Variants in GPC5 observed in about 807,000 individuals in gnomAD.
The protein encoded by GPC5 is glypican-5.
A neutral mutation model predicts 53.9 loss-of-function variants in GPC5; 47 were observed. That is an observed-to-expected ratio of 0.87 (90% CI 0.69 to 1.11). GPC5 has a LOEUF of 1.11. GPC5 is among the 50% of genes most tolerant of loss of function. The probability of loss-of-function intolerance (pLI) is 0.00; values close to 1 mark genes in which losing one functional copy is unlikely to be tolerated. For synonymous variants in GPC5, 286 were observed against 263.3 expected (o/e 1.09, Z -0.84); for missense variants, 748 against 713.1 (o/e 1.05, Z -0.56).
intron 6 of GPC5, among the ~76,000 whole-genome samples, chr13:92,005,650 T>C (rs1195286185): frequency 1.3e-5 from 2 of 152,206 alleles, no homozygotes; most frequent in African/African-American, 4.8e-5. Flanking sequence ...CATATCTCCC[T>C]TCTAGACTAT....
At chr13:91,808,622 C>T (rs1383412634) in intron 5 of GPC5, among the ~76,000 whole-genome samples, 2 of 152,118 alleles carry the variant, frequency 1.3e-5, no homozygotes, top group Non-Finnish European at 2.9e-5. Context: ...CAACATATTA[C>T]TTCTTGTCTA....
rs140956738 is a variant in GPC5, at chr13:92,781,045, A to C, written c.1562-85237A>C. On this transcript the variant is annotated intron_variant, in intron 7 of 7. Coordinates refer to ENST00000377067, the MANE Select transcript of GPC5 (RefSeq NM_004466.6). ...TGTACGTGCACACGCACACATATAC[A>C]TCTTCACATCAAAAAGTTTATGACA... is the stretch of plus-strand genomic sequence containing the variant. Among the ~76,000 whole-genome samples the C allele has an allele frequency of 7.9e-5, 12 of 152,264 alleles. No homozygotes were observed. In the East Asian group the frequency reaches 2.3e-3, roughly 29 times the overall value.
intron 6 of GPC5, among the ~76,000 whole-genome samples, chr13:92,088,791 C>A (rs1226358452): frequency 6.6e-6 from 1 of 152,186 alleles, no homozygotes; most frequent in Non-Finnish European, 1.5e-5. Context: ...TTAATCTTCA[C>A]TGTATTTCAG....
At chr13:91,705,571 G>A (rs1263068921) in intron 3 of GPC5, among the ~76,000 whole-genome samples, 1 of 152,044 alleles carries the variant, frequency 6.6e-6, no homozygotes, top group African/African-American at 2.4e-5. Flanking sequence ...AGCAGTAGAT[G>A]TTTGATGCTG....
At chr13:91,544,943 A>G (rs1356256965) in intron 2 of GPC5, among the ~76,000 whole-genome samples, 7 of 152,116 alleles carry the variant, frequency 4.6e-5, no homozygotes, top group Non-Finnish European at 7.4e-5. Context: ...TGACTGGCAA[A>G]CTCAGTTCCT....
intron 6 of GPC5, among the ~76,000 whole-genome samples, chr13:92,018,845 T>A (rs1309028889): frequency 3.3e-5 from 5 of 152,102 alleles, no homozygotes; most frequent in African/African-American, 7.2e-5. Context: ...ATCATTTTTA[T>A]GAAAATAATT....
At chr13:91,759,540 C>T (rs753488270) in intron 5 of GPC5, among the ~76,000 whole-genome samples, 6 of 152,062 alleles carry the variant, frequency 3.9e-5, no homozygotes, top group Non-Finnish European at 7.4e-5. Context: ...TCTACCCAGC[C>T]TCTGGTAACC....
intron 7 of GPC5, among the ~76,000 whole-genome samples, chr13:92,385,874 G>A (rs1874692528): frequency 6.7e-6 from 1 of 148,798 alleles, no homozygotes; most frequent in Non-Finnish European, 1.5e-5. Flanking sequence ...TTTCATTTAG[G>A]GACCTATAAA....
intron 7 of GPC5, among the ~76,000 whole-genome samples, chr13:92,175,123 G>T (rs1213294842): frequency 6.6e-6 from 1 of 152,210 alleles, no homozygotes; most frequent in African/African-American, 2.4e-5. Flanking sequence ...AAAGTGCTGG[G>T]ATTACAGGCG....
chr13:92,561,633 AACTGTGCAGTGTT>A lies in GPC5; in HGVS notation c.1562-304647_1562-304635del, dbSNP rs1882697183. On this transcript the variant is annotated intron_variant, in intron 7 of 7. Coordinates refer to ENST00000377067, the MANE Select transcript of GPC5 (RefSeq NM_004466.6). ...ATTTCTAGATTTCTTTAAAATGTGT[AACTGTGCAGTGTT>A]ATCATTAGTACCAACCAAGCTTTTC... is the stretch of plus-strand genomic sequence containing the variant. 6.6e-5 allele frequency among the ~76,000 whole-genome samples: 10 copies of A among 152,186 alleles called. No homozygotes were observed. The South Asian group carries it at 2.1e-3, about 32-fold the overall frequency.
chr13:91,786,440 A>G (rs1396329936), intron 5 of GPC5, among the ~76,000 whole-genome samples: 1 of 152,122 alleles, frequency 6.6e-6, no homozygotes, highest in African/African-American at 2.4e-5. Context: ...TTACCTGTAC[A>G]TCTTTTTGAC....
intron 3 of GPC5, among the ~76,000 whole-genome samples, chr13:91,716,898 C>A (rs762570312): frequency 3.9e-5 from 6 of 152,204 alleles, no homozygotes; most frequent in Non-Finnish European, 7.3e-5. Context: ...AGTATTAATT[C>A]ATTTGCGTAA....
chr13:91,634,546 A>T (rs1360031788), intron 2 of GPC5, among the ~76,000 whole-genome samples: 1 of 151,844 alleles, frequency 6.6e-6, no homozygotes, highest in African/African-American at 2.4e-5. Flanking sequence ...AAAACAAATC[A>T]CCTAATTTAG....
intron 7 of GPC5, among the ~76,000 whole-genome samples, chr13:92,258,719 A>G (rs2042744473): frequency 6.6e-6 from 1 of 152,206 alleles, no homozygotes; most frequent in African/African-American, 2.4e-5. Context: ...ACAGACACAC[A>G]CACTAACATA....
At chr13:92,528,090 A>G (rs1176041632) in intron 7 of GPC5, among the ~76,000 whole-genome samples, 2 of 152,120 alleles carry the variant, frequency 1.3e-5, no homozygotes, top group Non-Finnish European at 2.9e-5. Flanking sequence ...CAAAAATGCT[A>G]ATCACTAGAG....
At chr13:92,582,162 A>G (rs1015279405) in intron 7 of GPC5, among the ~76,000 whole-genome samples, 6 of 152,054 alleles carry the variant, frequency 3.9e-5, no homozygotes, top group African/African-American at 1.4e-4. Flanking sequence ...TTCTTCTAGT[A>G]GTTTTATAGT....
At chr13:92,237,189 T>A (rs1482088933) in intron 7 of GPC5, among the ~76,000 whole-genome samples, 1 of 152,124 alleles carries the variant, frequency 6.6e-6, no homozygotes, top group African/African-American at 2.4e-5. Flanking sequence ...TAATAACAAT[T>A]GTACAAAAAT....
intron 2 of GPC5, among the ~76,000 whole-genome samples, chr13:91,512,880 A>G (rs1214634145): frequency 6.6e-6 from 1 of 152,166 alleles, no homozygotes; most frequent in Non-Finnish European, 1.5e-5. Context: ...CTATAGTTTT[A>G]CAGCTTATCC....
At chr13:92,726,089 A>G (rs1460498529) in intron 7 of GPC5, among the ~76,000 whole-genome samples, 1 of 151,444 alleles carries the variant, frequency 6.6e-6, no homozygotes, top group East Asian at 1.9e-4. Flanking sequence ...GCTTCACCAA[A>G]GAGCTAAAGA....
Sources: gnomAD v4.1 joint callset for allele counts (sites outside exome capture counted in the v4.1 genomes callset) on GRCh38, gnomAD v4.1.1 for gene constraint, MANE v1.5 for transcripts, NCBI Gene and HGNC (gene_info 2026-07-23, HGNC 2026-07-21) for gene names.